The following LOXL4 variants were observed in gnomAD, a reference collection of about 807,000 sequenced individuals.
LOXL4 encodes the protein lysyl oxidase like 4.
LOXL4 carries 72 observed loss-of-function variants against 89.1 expected under a neutral mutation model. That is an observed-to-expected ratio of 0.81 (90% confidence interval 0.67 to 0.98). LOXL4 has a LOEUF of 0.98. LOXL4 is among the 50% of genes least tolerant of loss of function. LOXL4 has a pLI of 0.00. For missense variants in LOXL4, 984 were observed against 1,017.5 expected, an observed-to-expected ratio of 0.97 and a Z score of 0.45; for synonymous variants, 355 against 392.1, an observed-to-expected ratio of 0.91 and a Z score of 1.12.
At chr10:98,252,094 A>C (rs965487944) in intron 12 of LOXL4, 2 of 514,858 alleles carry the variant, frequency 3.9e-6, no homozygotes, top group African/African-American at 3.8e-5. Context: ...CAGAGATAGG[A>C]CAGGTCTGCA....
chr10:98,263,025 C>T lies in LOXL4; in HGVS notation c.-6G>A, dbSNP rs1311432377. 1 of 1,611,412 alleles carries T rather than the reference C, an allele frequency of 6.2e-7. No individual in the cohort carries two copies. The highest frequency in any genetic ancestry group is 2.2e-5 in the East Asian group (1 of 44,788). On this transcript the variant is annotated 5_prime_UTR_variant, in exon 2 of 15. Transcript: ENST00000260702. ...GCTGGTGGGGACCACGCCATGGTGA[C>T]TTCAAGGACAGCTGAGGCCAAGATA...
intron 1 of LOXL4, among the ~76,000 whole-genome samples, chr10:98,267,659 A>G (rs980435029): frequency 2.0e-5 from 3 of 152,030 alleles, no homozygotes; most frequent in African/African-American, 7.2e-5. Context: ...AGGGGGCTTG[A>G]AGTCTTCTGC....
At position 98,259,193 on chromosome 10, in the gene LOXL4, A is replaced by G. The variant is rs377566243; in HGVS notation, c.737T>C (p.Ile246Thr). 127 of 1,611,658 alleles carry G rather than the reference A, an allele frequency of 7.9e-5. No individual in the cohort carries two copies. Among genetic ancestry groups the G allele is most frequent in the Non-Finnish European group, 1.0e-4 (118 of 1,179,580 alleles). Reference sequence around the variant, plus strand: ...TGTCCCCAGGCAGGTGACCTGGTGGATCCAGAAGGAGTTCTTATTCGTCAG... The same window carrying G: ...TGTCCCCAGGCAGGTGACCTGGTGGGTCCAGAAGGAGTTCTTATTCGTCAG... ...KSLTNKNSFW[I>T]HQVTCLGTEP... Residue 246 changes from isoleucine to threonine, a missense_variant, in exon 6 of 15, where the codon ATC becomes ACC. Coordinates refer to ENST00000260702, the MANE Select transcript of LOXL4 (RefSeq NM_032211.7).
Position 98,253,542 on chromosome 10 carries a change from C to T in LOXL4, c.1835+11G>A, listed in dbSNP as rs201117047. ...TAACCCTCTAGTGCCAATGCATGGG[C>T]AGGCTCTAACCTGTGGCACTGGTGC... On this transcript the variant is annotated intron_variant, in intron 11 of 14. Transcript: ENST00000260702. The T allele has an allele frequency of 1.3e-4, 214 of 1,614,106 alleles. 1 individual carries two copies. Among genetic ancestry groups the T allele is most frequent in the Admixed American group, 6.0e-4 (36 of 60,010 alleles).
At chr10:98,253,433 A>C in intron 11 of LOXL4, 120 bp downstream of exon 11, 2 of 1,404,692 alleles carry the variant, frequency 1.4e-6, no homozygotes. Context: ...CAAGGCCAGC[A>C]AGGAGAGCGC....
Position 98,262,980 on chromosome 10 carries a change from G to A in LOXL4, c.40C>T (p.Leu14=). ...CTGGGAGGGGGCTGGCCTAGCAGCA[G>A]CAGGAACAGAAAGAGGGTGGCTGGT... ...SPPATLFLFL[L]LLGQPPPSRP... is the part of the protein sequence containing the mutation. The change falls in exon 2 of 15, where the codon CTG becomes TTG. Residue 14 remains leucine (L), a synonymous_variant. Transcript: ENST00000260702. The A allele has an allele frequency of 1.2e-6, 2 of 1,613,764 alleles. No individual in the cohort carries two copies. Among genetic ancestry groups the A allele is most frequent in the East Asian group, 4.5e-5 (2 of 44,876 alleles).
intron 2 of LOXL4, 136 bp from the exon 3 acceptor site, chr10:98,262,349 G>A (rs921623207): frequency 1.8e-5 from 15 of 830,742 alleles, no homozygotes; most frequent in Non-Finnish European, 1.9e-5. Flanking sequence ...GGAAGTTTGG[G>A]TCTCCTGGGG....
intron 6 of LOXL4, among the ~76,000 whole-genome samples, chr10:98,258,380 CA>C (rs1191515879): frequency 6.6e-6 from 1 of 152,032 alleles, no homozygotes; most frequent in Non-Finnish European, 1.5e-5. Flanking sequence ...CAATCACCCC[CA>C]CAGCCTCATC....
At position 98,258,110 on chromosome 10, in the gene LOXL4, C is replaced by T. The variant is rs780979028; in HGVS notation, c.976G>A (p.Val326Met). 24 of 1,613,428 alleles carry T rather than the reference C, an allele frequency of 1.5e-5. No individual in the cohort carries two copies. Among genetic ancestry groups the T allele is most frequent in the South Asian group, 9.9e-5 (9 of 91,086 alleles). ...GAQVGEGRVEVLMNRQWGTVC... is the reference protein window; with the variant it reads ...GAQVGEGRVEMLMNRQWGTVC... Reference sequence around the variant, plus strand: ...GTGCCCCACTGGCGGTTCATGAGCACTTCCACCCGGCCCTCGCCCACCTGG... The same window carrying T: ...GTGCCCCACTGGCGGTTCATGAGCATTTCCACCCGGCCCTCGCCCACCTGG... Residue 326 changes from valine (V) to methionine (M), a missense_variant, in exon 7 of 15, where the codon GTG (valine) becomes ATG (methionine). By Grantham distance (21) the Val-to-Met change is conservative (BLOSUM62 1). Transcript: ENST00000260702.
intron 1 of LOXL4, among the ~76,000 whole-genome samples, 200 bp from the exon 2 acceptor site, chr10:98,263,251 C>T (rs150218977): frequency 1.3e-5 from 2 of 152,200 alleles, no homozygotes; most frequent in Non-Finnish European, 2.9e-5. Flanking sequence ...CCACCACATT[C>T]GCCATGACCT....
chr10:98,250,978 G>T, intron 14 of LOXL4, 87 bp downstream of exon 14: 1 of 915,968 alleles, frequency 1.1e-6, no homozygotes, highest in Non-Finnish European at 1.8e-6. Flanking sequence ...CAAGTCACAC[G>T]CTGGAGTGTG....
At chr10:98,258,976 C>G in intron 6 of LOXL4, 33 bp downstream of exon 6, 1 of 1,489,560 alleles carries the variant, frequency 6.7e-7, no homozygotes, top group Non-Finnish European at 9.0e-7. Context: ...TGCCTCCAAG[C>G]TGTGGTGTGA....
intron 1 of LOXL4, among the ~76,000 whole-genome samples, chr10:98,266,505 C>T (rs983655137): frequency 1.3e-5 from 2 of 152,138 alleles, no homozygotes; most frequent in East Asian, 1.9e-4. Flanking sequence ...CCTTCCTCTC[C>T]AAGGGACCAA....
chr10:98,262,918 C>T lies in LOXL4; in HGVS notation c.102G>A (p.Leu34=). ...CCTCTGGCTTGCTCTCTGGGCCCAC[C>T]AGCCGGAGCTTAGTGGTGCCCAGTG... ...PQSLGTTKLR[L]VGPESKPEEG... The change falls in exon 2 of 15, where the codon CTG becomes CTA. Residue 34 remains leucine (L), a synonymous_variant. Transcript: ENST00000260702. 6.2e-7 allele frequency: 1 copy of T among 1,613,586 alleles called. No homozygotes were observed. The highest frequency in any genetic ancestry group is 8.5e-7 in the Non-Finnish European group (1 of 1,180,022).
At chr10:98,251,827 C>A in intron 12 of LOXL4, 125 bp from the exon 13 acceptor site, 1 of 1,197,198 alleles carries the variant, frequency 8.4e-7, no homozygotes. Flanking sequence ...GAGCTAGAAT[C>A]CTGCTGTGAA....
intron 10 of LOXL4, among the ~76,000 whole-genome samples, chr10:98,254,888 A>G (rs1299372189): frequency 6.6e-6 from 1 of 152,218 alleles, no homozygotes; most frequent in Non-Finnish European, 1.5e-5. Flanking sequence ...GAGCTCACTG[A>G]CAAAGATGAA....
intron 13 of LOXL4, 139 bp downstream of exon 13, chr10:98,251,425 TCC>T (rs1230049963): frequency 6.0e-6 from 7 of 1,173,202 alleles, no homozygotes; most frequent in Non-Finnish European, 8.4e-6. Flanking sequence ...GACTGTTACT[TCC>T]CTAACAGGAC....
chr10:98,265,271 A>G (rs1219480529), intron 1 of LOXL4, among the ~76,000 whole-genome samples: 1 of 152,198 alleles, frequency 6.6e-6, no homozygotes, highest in Non-Finnish European at 1.5e-5. Flanking sequence ...CTCCCTCTGT[A>G]AAGTGGGGAT....
At position 98,258,113 on chromosome 10, in the gene LOXL4, C is replaced by T; in HGVS notation, c.973G>A (p.Glu325Lys). 2.5e-6 allele frequency: 4 copies of T among 1,613,348 alleles called. No homozygotes were observed. The highest frequency in any genetic ancestry group is 2.5e-6 in the Non-Finnish European group (3 of 1,179,958). The change falls in exon 7 of 15, where the codon GAA becomes AAA. Residue 325 changes from glutamate to lysine, a missense_variant. Transcript: ENST00000260702. Reference sequence around the variant, plus strand: ...CCCCACTGGCGGTTCATGAGCACTTCCACCCGGCCCTCGCCCACCTGGGCC... The same window carrying T: ...CCCCACTGGCGGTTCATGAGCACTTTCACCCGGCCCTCGCCCACCTGGGCC... ...SGAQVGEGRV[E>K]VLMNRQWGTV... is the part of the protein sequence containing the mutation.
Sources: allele counts gnomAD v4.1 joint callset (sites outside exome capture counted in the v4.1 genomes callset), GRCh38; gene constraint gnomAD v4.1.1; transcripts MANE v1.5; gene names NCBI Gene and HGNC (gene_info 2026-07-23, HGNC 2026-07-21).